The following SPAG16 variants were observed in gnomAD, a reference collection of about 807,000 sequenced individuals.
SPAG16 encodes the protein sperm associated antigen 16.
Under a neutral mutation model 80.4 loss-of-function variants are expected in SPAG16, and 86 were observed. The observed-to-expected ratio is 1.07, with a 90% confidence interval of 0.90 to 1.28. The LOEUF (loss-of-function observed/expected upper bound fraction) is 1.28. Ranked by LOEUF, SPAG16 falls within the 50% of genes most tolerant of loss-of-function variation. The pLI is 0.00. For synonymous variants in SPAG16, 294 were observed against 265.9 expected (o/e 1.11, Z -1.03); for missense variants, 870 against 765.3 (o/e 1.14, Z -1.61).
At chr2:213,292,417 C>A (rs1335906782) in intron 1 of SPAG16, among the ~76,000 whole-genome samples, 4 of 151,958 alleles carry the variant, frequency 2.6e-5, no homozygotes, top group Non-Finnish European at 5.9e-5. Context: ...GTAATCCCAG[C>A]ACTTTGGGAG....
chr2:213,463,733 C>A (rs1335910920), intron 9 of SPAG16, among the ~76,000 whole-genome samples: 1 of 152,228 alleles, frequency 6.6e-6, no homozygotes, highest in African/African-American at 2.4e-5. Context: ...GGGCGGAGCC[C>A]TCATGGAGAA....
chr2:213,412,035 C>T (rs566302901), intron 9 of SPAG16, among the ~76,000 whole-genome samples: 6 of 152,264 alleles, frequency 3.9e-5, no homozygotes, highest in East Asian at 3.9e-4. Flanking sequence ...TAAACTTCCT[C>T]GTGAAGCAAC....
chr2:213,562,732 T>G (rs1455535348), intron 10 of SPAG16, among the ~76,000 whole-genome samples: 1 of 152,166 alleles, frequency 6.6e-6, no homozygotes, highest in Non-Finnish European at 1.5e-5. Flanking sequence ...GCAGATCTGA[T>G]GCCTGGTGAG....
intron 10 of SPAG16, among the ~76,000 whole-genome samples, chr2:213,859,992 G>A (rs746626871): frequency 1.4e-4 from 21 of 148,620 alleles, no homozygotes; most frequent in Non-Finnish European, 1.5e-4. Flanking sequence ...ATTACCATTA[G>A]TTGATGATGA....
At chr2:214,129,201 G>C (rs1314712946) in intron 14 of SPAG16, among the ~76,000 whole-genome samples, 1 of 152,034 alleles carries the variant, frequency 6.6e-6, no homozygotes, top group Admixed American at 6.6e-5. Flanking sequence ...ACTCTGCCTC[G>C]CAAATTCTAC....
intron 9 of SPAG16, among the ~76,000 whole-genome samples, chr2:213,450,720 AC>A (rs920116663): frequency 1.2e-4 from 19 of 152,132 alleles, no homozygotes; most frequent in African/African-American, 4.3e-4. Context: ...TGTGCACAAA[AC>A]TATTATATAT....
chr2:213,357,947 G>A (rs910585458), intron 7 of SPAG16, among the ~76,000 whole-genome samples: 9 of 152,170 alleles, frequency 5.9e-5, no homozygotes, highest in African/African-American at 2.2e-4. Context: ...TGTAAGGCAG[G>A]CCTGGTAGTA....
intron 15 of SPAG16, among the ~76,000 whole-genome samples, chr2:214,224,245 TAC>T (rs545026487): frequency 3.2e-4 from 49 of 152,290 alleles, no homozygotes; most frequent in African/African-American, 1.2e-3. Flanking sequence ...CCTACAGCCA[TAC>T]ATGAATTTTC....
chr2:214,108,051 C>G, intron 13 of SPAG16, 145 bp from the exon 14 acceptor site: 1 of 599,470 alleles, frequency 1.7e-6, no homozygotes, highest in Non-Finnish European at 2.9e-6. Context: ...TAGTTGATAG[C>G]AAAAGCTAGA....
At chr2:213,697,247 T>C (rs2065195006) in intron 10 of SPAG16, among the ~76,000 whole-genome samples, 1 of 152,172 alleles carries the variant, frequency 6.6e-6, no homozygotes. Context: ...TGGAGGCCAC[T>C]ACACAAAGGG....
chr2:214,288,008 T>C (rs1159614332), intron 15 of SPAG16, among the ~76,000 whole-genome samples: 3 of 152,130 alleles, frequency 2.0e-5, no homozygotes, highest in Admixed American at 6.5e-5. Context: ...TTTTGAATAT[T>C]GGGGATTATT....
intron 12 of SPAG16, among the ~76,000 whole-genome samples, chr2:213,950,709 T>C (rs1444835662): frequency 1.4e-5 from 2 of 144,364 alleles, no homozygotes; most frequent in Non-Finnish European, 3.0e-5. Context: ...TTTCTTTTTT[T>C]TTTTTTTTTT....
chr2:213,369,288 T>G (rs2066502178), intron 8 of SPAG16, among the ~76,000 whole-genome samples: 1 of 152,184 alleles, frequency 6.6e-6, no homozygotes, highest in Non-Finnish European at 1.5e-5. Context: ...ATACAGAGAA[T>G]TAAAAATGTT....
At chr2:213,654,540 C>CAAAAAAAAA (rs36009811) in intron 10 of SPAG16, among the ~76,000 whole-genome samples, 3 of 56,736 alleles carry the variant, frequency 5.3e-5, no homozygotes, top group South Asian at 8.5e-4. Context: ...ACTAAAAATA[C>CAAAAAAAAA]AAAAAAAAAA....
At chr2:213,347,019 C>CT (rs1559436655) in intron 6 of SPAG16, among the ~76,000 whole-genome samples, 1 of 151,980 alleles carries the variant, frequency 6.6e-6, no homozygotes, top group African/African-American at 2.4e-5. Context: ...TGGTCCTGGA[C>CT]TTTTTTTGGT....
intron 15 of SPAG16, among the ~76,000 whole-genome samples, chr2:214,191,034 CT>C (rs962178273): frequency 2.0e-5 from 3 of 152,122 alleles, no homozygotes; most frequent in Non-Finnish European, 2.9e-5. Context: ...TCAAACCAGT[CT>C]GCCAAATCAG....
At position 213,862,514 on chromosome 2, in the gene SPAG16, T is replaced by C. The variant is rs759215344; in HGVS notation, c.1100T>C (p.Leu367Pro). Residue 367 changes from leucine to proline, a missense_variant, in exon 11 of 16, where the codon CTA (leucine) becomes CCA (proline). By Grantham distance (98) the Leu-to-Pro change is moderately conservative. Coordinates refer to ENST00000331683, the MANE Select transcript of SPAG16 (RefSeq NM_024532.5). ...TCCATGCAACCCCACAAAGACATCCTAGTCTCCTGTGGCGAGGACCGACTC... is the reference window on the plus strand; with the variant it reads ...TCCATGCAACCCCACAAAGACATCCCAGTCTCCTGTGGCGAGGACCGACTC... ...CVSMQPHKDILVSCGEDRLWK... is the reference protein window; with the variant it reads ...CVSMQPHKDIPVSCGEDRLWK... 6.2e-7 allele frequency: 1 copy of C among 1,614,152 alleles called. No individual in the cohort carries two copies. The highest frequency in any genetic ancestry group is 8.5e-7 in the Non-Finnish European group (1 of 1,179,976).
intron 9 of SPAG16, among the ~76,000 whole-genome samples, chr2:213,435,093 TA>T (rs1398405246): frequency 1.3e-5 from 2 of 152,074 alleles, no homozygotes; most frequent in African/African-American, 4.8e-5. Flanking sequence ...ATAAAGAAAA[TA>T]ATGTACATAT....
At chr2:214,057,639 C>T (rs2050014879) in intron 13 of SPAG16, among the ~76,000 whole-genome samples, 1 of 152,152 alleles carries the variant, frequency 6.6e-6, no homozygotes, top group Non-Finnish European at 1.5e-5. Context: ...AAGAGTCAGC[C>T]TGTCCTCTGA....
Sources: allele counts gnomAD v4.1 joint callset (sites outside exome capture counted in the v4.1 genomes callset), GRCh38; gene constraint gnomAD v4.1.1; transcripts MANE v1.5; gene names NCBI Gene and HGNC (gene_info 2026-07-23, HGNC 2026-07-21).